The following RALGAPA2 variants were observed in gnomAD, a reference collection of about 807,000 sequenced individuals.
The protein encoded by RALGAPA2 is Ral GTPase activating protein catalytic subunit alpha 2.
In RALGAPA2, 139 loss-of-function variants were observed where a neutral mutation model predicts 230.4. That is an observed-to-expected ratio of 0.60 (90% CI 0.53 to 0.69). The LOEUF (loss-of-function observed/expected upper bound fraction) is 0.69. Ranked by LOEUF, RALGAPA2 falls within the 30% of genes least tolerant of loss-of-function variation. The pLI, the probability that RALGAPA2 is intolerant of heterozygous loss-of-function variation, is 0.00. For missense variants in RALGAPA2, 2,163 were observed against 2,276.0 expected (o/e 0.95, Z 1.01); for synonymous variants, 847 against 837.8 (o/e 1.01, Z -0.19).
At chr20:20,472,656 T>C in intron 37 of RALGAPA2, 173 bp downstream of exon 37, 2 of 522,610 alleles carry the variant, frequency 3.8e-6, no homozygotes, top group Non-Finnish European at 6.3e-6. Context: ...ATTATTATAT[T>C]TAATATAAAT....
At chr20:20,688,426 C>A (rs2068782385) in intron 1 of RALGAPA2, among the ~76,000 whole-genome samples, 1 of 152,120 alleles carries the variant, frequency 6.6e-6, no homozygotes, top group Non-Finnish European at 1.5e-5. Context: ...AGACTCCAGC[C>A]CCAGTGCTAT....
At chr20:20,629,195 A>G (rs1020869762) in intron 10 of RALGAPA2, among the ~76,000 whole-genome samples, 168 bp downstream of exon 10, 3 of 152,186 alleles carry the variant, frequency 2.0e-5, no homozygotes, top group Admixed American at 6.5e-5. Context: ...TCACAAATTA[A>G]AAGATTAGAG....
At chr20:20,642,969 T>C (rs571110545) in intron 5 of RALGAPA2, among the ~76,000 whole-genome samples, 1 of 152,324 alleles carries the variant, frequency 6.6e-6, no homozygotes, top group African/African-American at 2.4e-5. Flanking sequence ...GAAGTATATG[T>C]TATAATAAAA....
intron 23 of RALGAPA2, among the ~76,000 whole-genome samples, chr20:20,553,893 G>C (rs994556347): frequency 6.6e-6 from 1 of 152,262 alleles, no homozygotes. Flanking sequence ...GTGGTATATA[G>C]ATTTACTTAT....
At chr20:20,698,522 T>A (rs1225519114) in intron 1 of RALGAPA2, among the ~76,000 whole-genome samples, 1 of 152,144 alleles carries the variant, frequency 6.6e-6, no homozygotes, top group Non-Finnish European at 1.5e-5. Context: ...CCCAAGTAGC[T>A]GGGATTACAG....
intron 36 of RALGAPA2, among the ~76,000 whole-genome samples, chr20:20,477,870 G>A (rs2061687638): frequency 6.6e-6 from 1 of 152,180 alleles, no homozygotes; most frequent in African/African-American, 2.4e-5. Flanking sequence ...TAATAGGCAT[G>A]AGCCACTGTG....
rs144455892 is a variant in RALGAPA2 at position 20,497,568 on chromosome 20, A to G, written c.5209-2293T>C. Reference sequence around the variant, plus strand: ...CACCACCCGATGTTGGTGCTCTAGTATCTGTGATAGCTCCTTTTGATCCAC... The same window carrying G: ...CACCACCCGATGTTGGTGCTCTAGTGTCTGTGATAGCTCCTTTTGATCCAC... On this transcript the variant is annotated intron_variant, in intron 35 of 39. Transcript: ENST00000202677. 8.9e-3 allele frequency among the ~76,000 whole-genome samples: 1,352 copies of G among 152,342 alleles called. 21 individuals are homozygous for G. Among genetic ancestry groups the G allele is most frequent in the African/African-American group, 0.031 (1,294 of 41,572 alleles).
At chr20:20,577,750 T>A (rs991092685) in intron 20 of RALGAPA2, among the ~76,000 whole-genome samples, 12 of 152,136 alleles carry the variant, frequency 7.9e-5, no homozygotes, top group Non-Finnish European at 1.8e-4. Flanking sequence ...GGCATTTATT[T>A]TTCTCATAAA....
chr20:20,561,149 A>G (rs1394190861), intron 23 of RALGAPA2, among the ~76,000 whole-genome samples: 1 of 152,250 alleles, frequency 6.6e-6, no homozygotes, highest in Non-Finnish European at 1.5e-5. Flanking sequence ...TTACAAACAC[A>G]GAACCTATCA....
intron 37 of RALGAPA2, among the ~76,000 whole-genome samples, chr20:20,433,594 T>C (rs2060542982): frequency 6.6e-6 from 1 of 152,210 alleles, no homozygotes; most frequent in East Asian, 1.9e-4. Context: ...CTCATGAGGC[T>C]GAAATGTTTC....
chr20:20,610,212 A>T lies in RALGAPA2; in HGVS notation c.1800+1103T>A, dbSNP rs116302127. The stretch of plus-strand genomic sequence containing the variant: ...TCACCTATGTAATTATCCAAAGTCA[A>T]GTCCATCCACTGTACTAATATCTTT... On this transcript the variant is annotated intron_variant, in intron 14 of 39. Coordinates refer to ENST00000202677, the MANE Select transcript of RALGAPA2 (RefSeq NM_020343.4). 8.1e-3 allele frequency among the ~76,000 whole-genome samples: 1,235 copies of T among 152,332 alleles called. 20 individuals carry two copies. The highest frequency in any genetic ancestry group is 0.028 in the African/African-American group (1,163 of 41,562).
At chr20:20,440,665 G>A (rs2060718440) in intron 37 of RALGAPA2, among the ~76,000 whole-genome samples, 1 of 152,212 alleles carries the variant, frequency 6.6e-6, no homozygotes. Context: ...GCCATACTGT[G>A]CAATCACGCT....
At chr20:20,466,046 A>G (rs1488133541) in intron 37 of RALGAPA2, among the ~76,000 whole-genome samples, 1 of 152,164 alleles carries the variant, frequency 6.6e-6, no homozygotes, top group African/African-American at 2.4e-5. Flanking sequence ...TAGCCCTCTC[A>G]CCAACTCAGA....
At chr20:20,671,368 G>A (rs1047332782) in intron 3 of RALGAPA2, among the ~76,000 whole-genome samples, 1 of 152,006 alleles carries the variant, frequency 6.6e-6, no homozygotes, top group Non-Finnish European at 1.5e-5. Flanking sequence ...ACATGGTATC[G>A]CTTTTGTGAT....
At chr20:20,425,541 C>G (rs905493644) in intron 37 of RALGAPA2, among the ~76,000 whole-genome samples, 1 of 152,108 alleles carries the variant, frequency 6.6e-6, no homozygotes, top group African/African-American at 2.4e-5. Context: ...TCATCTGATA[C>G]CAAGTTATCA....
chr20:20,533,832 A>C (rs1422610021), intron 26 of RALGAPA2, among the ~76,000 whole-genome samples: 6 of 152,206 alleles, frequency 3.9e-5, no homozygotes. Flanking sequence ...AGATACCTAT[A>C]GAATTCAGAC....
chr20:20,576,049 G>A (rs2064808994), intron 20 of RALGAPA2, among the ~76,000 whole-genome samples: 1 of 151,382 alleles, frequency 6.6e-6, no homozygotes, highest in Non-Finnish European at 1.5e-5. Flanking sequence ...TTTTGTTGTT[G>A]GCTTTAATGC....
In RALGAPA2 at chr20:20,620,533, T is replaced by G; in HGVS notation, c.1331A>C (p.Glu444Ala). ...TTGGGCAACATCTTTTCTATCTGGC[T>G]CCTCCATGAACACAGGTTTGTCCTG... ...ILQDKPVFME[E>A]PDRKDVAQED... The change falls in exon 11 of 40, where the codon GAG becomes GCG. Residue 444 changes from glutamate (E) to alanine (A), a missense_variant. Glu to Ala is a moderately radical substitution (Grantham distance 107, BLOSUM62 -1). Transcript: ENST00000202677. 1 of 1,613,950 alleles carries G rather than the reference T, an allele frequency of 6.2e-7. No homozygotes were observed. Among genetic ancestry groups the G allele is most frequent in the Non-Finnish European group, 8.5e-7 (1 of 1,179,830 alleles).
intron 37 of RALGAPA2, among the ~76,000 whole-genome samples, chr20:20,461,368 T>A (rs1437546012): frequency 1.3e-5 from 2 of 152,204 alleles, no homozygotes; most frequent in Non-Finnish European, 2.9e-5. Context: ...TTCTTTGGAG[T>A]ATAAATTCAA....
Sources: gnomAD v4.1 joint callset for allele counts (sites outside exome capture counted in the v4.1 genomes callset) on GRCh38, gnomAD v4.1.1 for gene constraint, MANE v1.5 for transcripts, NCBI Gene and HGNC (gene_info 2026-07-23, HGNC 2026-07-21) for gene names.